The following ZFYVE28 variants were observed in gnomAD, a reference collection of about 807,000 sequenced individuals.
The protein encoded by ZFYVE28 is zinc finger FYVE-type containing 28.
ZFYVE28 carries 40 observed loss-of-function variants against 82.1 expected under a neutral mutation model. The observed-to-expected ratio is 0.49, with a 90% CI of 0.38 to 0.63. The LOEUF (loss-of-function observed/expected upper bound fraction) is 0.63. Among genes scored for constraint, ZFYVE28 ranks in the 30% least tolerant of loss-of-function variants. The pLI is 0.00. For synonymous variants in ZFYVE28, 612 were observed against 546.1 expected, an observed-to-expected ratio of 1.12 and a Z score of -1.68; for missense variants, 1,321 against 1,242.1, an observed-to-expected ratio of 1.06 and a Z score of -0.96.
At chr4:2,370,587 T>C (rs1727435029) in intron 1 of ZFYVE28, among the ~76,000 whole-genome samples, 1 of 152,152 alleles carries the variant, frequency 6.6e-6, no homozygotes, top group Admixed American at 6.5e-5. Flanking sequence ...GACCCAATCC[T>C]GCCGGCCCAG....
At chr4:2,357,562 C>G (rs1388754204) in intron 1 of ZFYVE28, among the ~76,000 whole-genome samples, 2 of 152,214 alleles carry the variant, frequency 1.3e-5, no homozygotes, top group Non-Finnish European at 2.9e-5. Flanking sequence ...CGCTCCCCTT[C>G]AGAGCAGTAG....
At chr4:2,329,102 CA>C in intron 6 of ZFYVE28, 1 of 699,668 alleles carries the variant, frequency 1.4e-6, no homozygotes, top group East Asian at 2.7e-5. Flanking sequence ...ATTTAGGGCC[CA>C]TTGCAGTTCC....
chr4:2,299,500 T>C (rs866752630), intron 8 of ZFYVE28, among the ~76,000 whole-genome samples: 2 of 147,092 alleles, frequency 1.4e-5, no homozygotes, highest in African/African-American at 2.5e-5. Context: ...ACACCTGTAA[T>C]CTCAGCACCT....
At chr4:2,302,763 G>C (rs772082963) in intron 8 of ZFYVE28, among the ~76,000 whole-genome samples, 8 of 152,268 alleles carry the variant, frequency 5.3e-5, no homozygotes, top group African/African-American at 7.2e-5. Flanking sequence ...CCCATGCAGT[G>C]AGCGTGATTC....
intron 8 of ZFYVE28, among the ~76,000 whole-genome samples, chr4:2,297,468 G>A (rs1040724928): frequency 6.6e-6 from 1 of 152,218 alleles, no homozygotes. Flanking sequence ...TGTTCAAGCT[G>A]GAGGCCAGGA....
intron 2 of ZFYVE28, among the ~76,000 whole-genome samples, chr4:2,349,728 T>TA (rs35499200): frequency 0.13 from 18,976 of 150,442 alleles, 1,432 homozygotes; most frequent in East Asian, 0.2. Flanking sequence ...ATTTATCGAG[T>TA]AAAAAAAACC....
At chr4:2,326,173 T>C (rs1719826136) in intron 6 of ZFYVE28, among the ~76,000 whole-genome samples, 1 of 152,230 alleles carries the variant, frequency 6.6e-6, no homozygotes, top group African/African-American at 2.4e-5. Context: ...TTTCTTCTAG[T>C]AGTTTTAGAG....
At position 2,417,578 on chromosome 4, in the gene ZFYVE28, C is replaced by T. The variant is rs1221404014; in HGVS notation, c.39+707G>A. ...CCCAAGGGCCGGGCGGAGGACCTGTCCCGGATTCCAGAGGACGTGGGTGGG... is the reference window on the plus strand; with the variant it reads ...CCCAAGGGCCGGGCGGAGGACCTGTTCCGGATTCCAGAGGACGTGGGTGGG... On this transcript the variant is annotated intron_variant, in intron 1 of 12. Transcript: ENST00000290974. This position sits in a 1 kb window ranked among gnomAD's most constrained non-coding sequence, Gnocchi z 4.8. Among the ~76,000 whole-genome samples the T allele has an allele frequency of 6.6e-6, 1 of 152,112 alleles. No homozygotes were observed. The highest frequency in any genetic ancestry group is 2.4e-5 in the African/African-American group (1 of 41,542).
intron 1 of ZFYVE28, among the ~76,000 whole-genome samples, chr4:2,415,203 T>C (rs1732904748): frequency 6.6e-6 from 1 of 152,254 alleles, no homozygotes; most frequent in Non-Finnish European, 1.5e-5. Context: ...TTTATTCAGA[T>C]ATCAAAATGT....
intron 8 of ZFYVE28, among the ~76,000 whole-genome samples, chr4:2,299,638 A>G (rs1233707308): frequency 2.4e-5 from 3 of 126,698 alleles, no homozygotes; most frequent in Non-Finnish European, 5.0e-5. Flanking sequence ...AGGGAAGGGA[A>G]GGGAGGGGAG....
intron 1 of ZFYVE28, among the ~76,000 whole-genome samples, chr4:2,363,534 CAA>C (rs1417655108): frequency 3.3e-5 from 5 of 152,296 alleles, no homozygotes; most frequent in African/African-American, 1.2e-4. Flanking sequence ...AGCCCTGGTG[CAA>C]AGAGAAGCAT....
chr4:2,318,787 C>T (rs1023058249), intron 7 of ZFYVE28, among the ~76,000 whole-genome samples: 3 of 152,214 alleles, frequency 2.0e-5, no homozygotes, highest in Non-Finnish European at 4.4e-5. Flanking sequence ...TACCTGTAAT[C>T]CCAACCCTTT....
chr4:2,271,733 G>C lies in ZFYVE28; in HGVS notation c.2370C>G (p.Cys790Trp). The C allele has an allele frequency of 6.2e-7, 1 of 1,613,912 alleles. No individual in the cohort carries two copies. The highest frequency in any genetic ancestry group is 8.5e-7 in the Non-Finnish European group (1 of 1,179,988). The change falls in exon 11 of 13, where the codon TGC becomes TGG. Residue 790 changes from cysteine to tryptophan, a missense_variant. By Grantham distance (215) the Cys-to-Trp change is radical. Around this residue, in one of 2 missense-constraint regions of ZFYVE28, gnomAD observed 978 missense variants for 833.7 expected, o/e 1.17. Coordinates refer to ENST00000290974, the MANE Select transcript of ZFYVE28 (RefSeq NM_020972.3). Reference protein sequence around the residue: ...RSAALEDCALCQETLSSSELA... With the variant: ...RSAALEDCALWQETLSSSELA... ...GTTCAGAGGATGACAGGGTCTCCTG[G>C]CACAGTGCACAGTCCTCCAAGGCCG...
chr4:2,305,471 T>C lies in ZFYVE28; in HGVS notation c.869A>G (p.Gln290Arg). 6.2e-7 allele frequency: 1 copy of C among 1,612,938 alleles called. No individual in the cohort carries two copies. Among genetic ancestry groups the C allele is most frequent in the African/African-American group, 1.3e-5 (1 of 75,046 alleles). ...HTLERNLCIS[Q>R]DVEFPIRADV... ...TGCGCGGATGGGGAACTCCACGTCT[T>C]GGGAAATGCAGAGGTTCCGTTCCAG... Residue 290 changes from glutamine (Q) to arginine (R), a missense_variant, in exon 8 of 13, where the codon CAA (glutamine) becomes CGA (arginine). Around this residue, in one of 2 missense-constraint regions of ZFYVE28, gnomAD observed 978 missense variants for 833.7 expected, o/e 1.17. Coordinates refer to ENST00000290974, the MANE Select transcript of ZFYVE28 (RefSeq NM_020972.3).
At chr4:2,413,947 C>T (rs560571582) in intron 1 of ZFYVE28, among the ~76,000 whole-genome samples, 1 of 152,366 alleles carries the variant, frequency 6.6e-6, no homozygotes, top group East Asian at 1.9e-4. Context: ...CATCGCCCCT[C>T]ACCCTCAGCC....
intron 7 of ZFYVE28, among the ~76,000 whole-genome samples, chr4:2,319,624 G>A (rs1376887806): frequency 6.6e-6 from 1 of 152,214 alleles, no homozygotes; most frequent in Non-Finnish European, 1.5e-5. Flanking sequence ...CCTCCAGGAA[G>A]CCACGGCTGG....
rs1159232535 is a variant in ZFYVE28, at chr4:2,372,962, C to T, written c.40-18889G>A. Among the ~76,000 whole-genome samples, 1 of 152,156 alleles carries T rather than the reference C, an allele frequency of 6.6e-6. No individual in the cohort carries two copies. On this transcript the variant is annotated intron_variant, in intron 1 of 12. Coordinates refer to ENST00000290974, the MANE Select transcript of ZFYVE28 (RefSeq NM_020972.3). The surrounding 1 kb of genome is among the most constrained non-coding windows in gnomAD (Gnocchi z 5.2). ...CCACCGCATGCCCACCAGAAGACCA[C>T]CACGTCTCTGGGCAGACACTCGGGG...
chr4:2,304,708 C>A lies in ZFYVE28; in HGVS notation c.1632G>T (p.Gly544=). 1.2e-6 allele frequency: 2 copies of A among 1,612,682 alleles called. No individual in the cohort carries two copies. Among genetic ancestry groups the A allele is most frequent in the Non-Finnish European group, 1.7e-6 (2 of 1,179,924 alleles). ...TAAGCTTGTGGGGGCCGCCATCCAT[C>A]CCCTCGGCCACGGGCTCCGAGGCGG... ...QEAASEPVAE[G]MDGGPHKLST... is the part of the protein sequence containing the mutation. Residue 544 remains glycine, a synonymous_variant, in exon 8 of 13, where the codon GGG becomes GGT. Transcript: ENST00000290974.
At chr4:2,272,014 G>T (rs1337805988) in intron 10 of ZFYVE28, among the ~76,000 whole-genome samples, 1 of 152,234 alleles carries the variant, frequency 6.6e-6, no homozygotes, top group East Asian at 1.9e-4. Context: ...GCCTGTGGCT[G>T]CTCCCCCTGA....
Sources: gnomAD v4.1 joint callset for allele counts (sites outside exome capture counted in the v4.1 genomes callset) on GRCh38, gnomAD v4.1.1 for gene constraint, gnomAD v4.1.1 regional missense constraint, Gnocchi (gnomAD v3.1) non-coding constraint, MANE v1.5 for transcripts, NCBI Gene and HGNC (gene_info 2026-07-23, HGNC 2026-07-21) for gene names.